The following ADGRB3 variants were observed in gnomAD, a reference collection of about 807,000 sequenced individuals.
ADGRB3 encodes brain-specific angiogenesis inhibitor 3.
A neutral mutation model predicts 193.4 loss-of-function variants in ADGRB3; 37 were observed. That is an observed-to-expected ratio of 0.19 (90% CI 0.15 to 0.25). ADGRB3 has a LOEUF of 0.25. Among genes scored for constraint, ADGRB3 ranks in the 10% least tolerant of loss-of-function variants. The pLI is 1.00. For synonymous variants in ADGRB3, 690 were observed against 644.2 expected (o/e 1.07, Z -1.08); for missense variants, 1,637 against 1,852.9 (o/e 0.88, Z 2.14).
intron 17 of ADGRB3, among the ~76,000 whole-genome samples, chr6:69,088,531 C>A (rs1253037989): frequency 6.6e-6 from 1 of 152,062 alleles, no homozygotes; most frequent in Non-Finnish European, 1.5e-5. Context: ...TGCCACCACG[C>A]CTGGCTAATT....
rs542323213 is a variant in ADGRB3 at position 69,259,461 on chromosome 6, C to T, written c.2814+20235C>T. On this transcript the variant is annotated intron_variant, in intron 20 of 31. Coordinates refer to ENST00000370598, the MANE Select transcript of ADGRB3 (RefSeq NM_001704.3). ...CTGTAATCTCAGCATTTTGGGAGGC[C>T]AAGGTGGGCGGATCACGAGGCCAGG... 5.9e-5 allele frequency among the ~76,000 whole-genome samples: 9 copies of T among 152,048 alleles called. No individual in the cohort carries two copies. The South Asian group carries it at 1.9e-3, about 32-fold the overall frequency.
chr6:68,687,491 T>C (rs1449474171), intron 3 of ADGRB3, among the ~76,000 whole-genome samples: 1 of 152,184 alleles, frequency 6.6e-6, no homozygotes, highest in Non-Finnish European at 1.5e-5. Flanking sequence ...TTTTCAGGTA[T>C]ATGCGATGCA....
chr6:68,881,615 AAG>A lies in ADGRB3; in HGVS notation c.758-48939_758-48938del, dbSNP rs375187773. On this transcript the variant is annotated intron_variant, in intron 3 of 31. Coordinates refer to ENST00000370598, the MANE Select transcript of ADGRB3 (RefSeq NM_001704.3). ...TAATAAAAGCCAACCATTCAAGCCA[AAG>A]AGAGTCAGTCGGGAACAAGTGGCTA... Among the ~76,000 whole-genome samples, 401 of 152,260 alleles carry A rather than the reference AAG, an allele frequency of 2.6e-3. 1 individual carries two copies. Among genetic ancestry groups the A allele is most frequent in the African/African-American group, 9.0e-3 (372 of 41,552 alleles).
chr6:68,858,826 G>A (rs1248994855), intron 3 of ADGRB3, among the ~76,000 whole-genome samples: 2 of 152,260 alleles, frequency 1.3e-5, no homozygotes, highest in South Asian at 2.1e-4. Flanking sequence ...CCTGGGCCTG[G>A]CCAACAAAAC....
chr6:68,692,551 C>T (rs936363398), intron 3 of ADGRB3, among the ~76,000 whole-genome samples: 1 of 151,676 alleles, frequency 6.6e-6, no homozygotes, highest in African/African-American at 2.4e-5. Flanking sequence ...TGGTTTAAAA[C>T]AGAAAATATA....
At chr6:68,817,365 TCTGA>T (rs1434082784) in intron 3 of ADGRB3, among the ~76,000 whole-genome samples, 20 of 131,920 alleles carry the variant, frequency 1.5e-4, no homozygotes, top group African/African-American at 5.0e-4. Context: ...ATATATAATT[TCTGA>T]CTGTTTCTTT....
chr6:69,191,199 A>T (rs1765179176), intron 17 of ADGRB3, among the ~76,000 whole-genome samples: 1 of 152,076 alleles, frequency 6.6e-6, no homozygotes, highest in South Asian at 2.1e-4. Context: ...TAAGACTAGA[A>T]CTCATCACTT....
intron 3 of ADGRB3, among the ~76,000 whole-genome samples, chr6:68,769,524 A>G (rs1413414581): frequency 6.6e-5 from 10 of 152,144 alleles, no homozygotes; most frequent in African/African-American, 1.9e-4. Flanking sequence ...AACATTACAC[A>G]CTGGAGCCTG....
chr6:68,785,496 T>C (rs4434435), intron 3 of ADGRB3, among the ~76,000 whole-genome samples: 120,628 of 151,600 alleles, frequency 0.8, 48,199 homozygotes, highest in Middle Eastern at 0.91. Context: ...TCATCATTTT[T>C]TATGGCTGCA....
intron 3 of ADGRB3, among the ~76,000 whole-genome samples, chr6:68,692,023 G>A (rs1765085341): frequency 6.6e-6 from 1 of 151,622 alleles, no homozygotes; most frequent in South Asian, 2.1e-4. Context: ...ACAAAAGAAT[G>A]GCCATGTGTA....
chr6:69,193,415 T>C (rs939663745), intron 17 of ADGRB3, among the ~76,000 whole-genome samples: 28 of 152,118 alleles, frequency 1.8e-4, no homozygotes, highest in African/African-American at 5.8e-4. Flanking sequence ...TTCAGGGAAA[T>C]AATATCTGTT....
At chr6:69,050,037 C>T (rs1771346533) in intron 15 of ADGRB3, among the ~76,000 whole-genome samples, 1 of 152,196 alleles carries the variant, frequency 6.6e-6, no homozygotes, top group South Asian at 2.1e-4. Context: ...TTCTCCACAT[C>T]ACCTCGTTTT....
intron 17 of ADGRB3, among the ~76,000 whole-genome samples, chr6:69,095,809 G>A (rs9454690): frequency 6.6e-6 from 1 of 151,948 alleles, no homozygotes; most frequent in African/African-American, 2.4e-5. Context: ...GCACATGCAC[G>A]CGTGCACACA....
chr6:69,272,668 G>T (rs1001269647), intron 20 of ADGRB3, among the ~76,000 whole-genome samples: 2 of 152,088 alleles, frequency 1.3e-5, no homozygotes, highest in Admixed American at 1.3e-4. Context: ...TGTGAGGAAT[G>T]AATTAGAATA....
chr6:69,005,736 G>A (rs1271311198), intron 11 of ADGRB3, among the ~76,000 whole-genome samples: 1 of 152,156 alleles, frequency 6.6e-6, no homozygotes, highest in Non-Finnish European at 1.5e-5. Flanking sequence ...GAATACCACT[G>A]TCAGGTCAGG....
intron 15 of ADGRB3, among the ~76,000 whole-genome samples, chr6:69,057,832 G>A (rs1771590729): frequency 6.6e-6 from 1 of 151,916 alleles, no homozygotes; most frequent in Non-Finnish European, 1.5e-5. Flanking sequence ...AATTTGGTTT[G>A]CTAGCATTTT....
chr6:69,206,494 C>T (rs964862357), intron 17 of ADGRB3, among the ~76,000 whole-genome samples: 1 of 152,118 alleles, frequency 6.6e-6, no homozygotes, highest in African/African-American at 2.4e-5. Flanking sequence ...AACCCATACA[C>T]ACCTCCTGAG....
chr6:69,218,154 A>G (rs963898900), intron 17 of ADGRB3, among the ~76,000 whole-genome samples: 1 of 152,014 alleles, frequency 6.6e-6, no homozygotes. Context: ...TTGTTCTTAT[A>G]TTAATATGAG....
chr6:69,131,228 T>C (rs951504342), intron 17 of ADGRB3, among the ~76,000 whole-genome samples: 1 of 152,078 alleles, frequency 6.6e-6, no homozygotes, highest in African/African-American at 2.4e-5. Flanking sequence ...AAAGCTAATA[T>C]TGGAAATTGT....
Sources: allele counts gnomAD v4.1 joint callset (sites outside exome capture counted in the v4.1 genomes callset), GRCh38; gene constraint gnomAD v4.1.1; transcripts MANE v1.5; gene names NCBI Gene and HGNC (gene_info 2026-07-23, HGNC 2026-07-21).